Variants in ANKFN1 observed in about 807,000 individuals in gnomAD.
ANKFN1 encodes the protein ankyrin repeat and fibronectin type-III domain-containing protein 1.
Under a neutral mutation model 108.7 loss-of-function variants are expected in ANKFN1, and 74 were observed. The observed-to-expected ratio is 0.68, with a 90% CI of 0.56 to 0.83. The LOEUF (loss-of-function observed/expected upper bound fraction) is 0.83. Among genes scored for constraint, ANKFN1 ranks in the 40% least tolerant of loss-of-function variants. ANKFN1 has a pLI of 0.00. For synonymous variants in ANKFN1, 547 were observed against 516.2 expected (o/e 1.06, Z -0.81); for missense variants, 1,505 against 1,382.3 (o/e 1.09, Z -1.41).
rs1205182949 is a variant in ANKFN1 at position 56,169,800 on chromosome 17, C to A, written c.-71+16270C>A. On this transcript the variant is annotated intron_variant, in intron 1 of 20. Transcript: ENST00000682825. ...GCTGCCCTGCTACTCCTGTTCTGCC[C>A]TGTTGGCAGCCTCAGTGACAAACCC... Among the ~76,000 whole-genome samples the A allele has an allele frequency of 2.0e-5, 3 of 152,228 alleles. No individual in the cohort carries two copies. In the East Asian group the frequency reaches 5.8e-4, roughly 30 times the overall value.
At chr17:56,266,986 T>C (rs1172787305) in intron 3 of ANKFN1, among the ~76,000 whole-genome samples, 2 of 152,176 alleles carry the variant, frequency 1.3e-5, no homozygotes, top group African/African-American at 4.8e-5. Context: ...CACTCAGTTG[T>C]CATTGATCCT....
chr17:56,453,802 T>G (rs1031305228), intron 11 of ANKFN1, among the ~76,000 whole-genome samples: 21 of 152,160 alleles, frequency 1.4e-4, no homozygotes, highest in African/African-American at 2.4e-5. Context: ...ATCCTTTTTT[T>G]TTTTCATATT....
intron 4 of ANKFN1, among the ~76,000 whole-genome samples, chr17:56,054,271 T>C (rs1904827017): frequency 6.6e-6 from 1 of 152,156 alleles, no homozygotes; most frequent in Admixed American, 6.5e-5. Flanking sequence ...CACTTAAACA[T>C]GTGCATGAAT....
chr17:56,338,399 TATGTAACAAACCTGTACATTGTGCAC>T (rs1445432157), intron 4 of ANKFN1, among the ~76,000 whole-genome samples: 2 of 152,064 alleles, frequency 1.3e-5, no homozygotes, highest in East Asian at 3.9e-4. Context: ...CATGTATACC[TATGTAACAAACCTGTACATTGTGCAC>T]ATGTACCCTA....
intron 4 of ANKFN1, among the ~76,000 whole-genome samples, chr17:56,140,549 C>A (rs948821968): frequency 1.3e-5 from 2 of 152,164 alleles, no homozygotes; most frequent in East Asian, 3.9e-4. Context: ...AACTTCTTTT[C>A]CCTTCCATGA....
At chr17:56,225,370 C>T (rs977035180) in intron 2 of ANKFN1, among the ~76,000 whole-genome samples, 1 of 152,058 alleles carries the variant, frequency 6.6e-6, no homozygotes, top group Non-Finnish European at 1.5e-5. Context: ...AATTTTTTAC[C>T]AGATGCTATT....
chr17:56,282,400 T>C (rs2044107774), intron 3 of ANKFN1, among the ~76,000 whole-genome samples: 2 of 152,042 alleles, frequency 1.3e-5, no homozygotes, highest in African/African-American at 2.4e-5. Flanking sequence ...GTTACATAGG[T>C]ATATACATTT....
intron 1 of ANKFN1, among the ~76,000 whole-genome samples, chr17:56,188,581 G>GTGTGTGTGTGTGTATATA (rs1212242378): frequency 6.0e-5 from 3 of 49,652 alleles, no homozygotes; most frequent in African/African-American, 3.0e-4. Context: ...GTGTGTGTGT[G>GTGTGTGTGTGTGTATATA]TATATATATA....
At chr17:56,384,253 A>G (rs571243429) in intron 8 of ANKFN1, among the ~76,000 whole-genome samples, 1 of 152,368 alleles carries the variant, frequency 6.6e-6, no homozygotes, top group Admixed American at 6.5e-5. Flanking sequence ...ATAGATGCAG[A>G]ACAGGCCTTT....
At chr17:56,474,876 T>G (rs2050446003) in intron 15 of ANKFN1, among the ~76,000 whole-genome samples, 1 of 152,196 alleles carries the variant, frequency 6.6e-6, no homozygotes, top group African/African-American at 2.4e-5. Context: ...CATCCTGATA[T>G]TAATAATAAT....
At chr17:56,326,493 G>A in intron 4 of ANKFN1, 138 bp downstream of exon 4, 1 of 1,106,732 alleles carries the variant, frequency 9.0e-7, no homozygotes, top group South Asian at 1.7e-5. Flanking sequence ...GCTGCAGGTG[G>A]TCCATGAAGA....
At chr17:56,500,554 T>C (rs1199468127) in intron 20 of ANKFN1, among the ~76,000 whole-genome samples, 3 of 152,170 alleles carry the variant, frequency 2.0e-5, no homozygotes, top group Admixed American at 6.6e-5. Flanking sequence ...TGCTATGAAG[T>C]TATCAGTATT....
chr17:56,121,471 G>T lies in ANKFN1; in HGVS notation c.288+75146G>T, dbSNP rs1906615977. Among the ~76,000 whole-genome samples, 2 of 152,032 alleles carry T rather than the reference G, an allele frequency of 1.3e-5. 1 individual carries two copies. Among genetic ancestry groups the T allele is most frequent in the South Asian group, 4.1e-4 (2 of 4,820 alleles). On this transcript the variant is annotated intron_variant, in intron 4 of 12. Coordinates refer to the ANKFN1 transcript ENST00000635860. ...ATTTTACATCTGACAGCTTCTTAAA[G>T]ATGACATTATCTTTGGCTGTTTTGC...
rs192396148 is a variant in ANKFN1 at position 56,512,608 on chromosome 17, T to A, written c.*1339T>A. ...CCTCATCTCCTGGAGCCAAGACCCA[T>A]TCACTTCACTGACATTCTAAATGAT... On this transcript the variant is annotated 3_prime_UTR_variant, in exon 21 of 21. Coordinates refer to ENST00000682825, the MANE Select transcript of ANKFN1 (RefSeq NM_001370326.1). Among the ~76,000 whole-genome samples, 1 of 152,188 alleles carries A rather than the reference T, an allele frequency of 6.6e-6. No individual in the cohort carries two copies. The highest frequency in any genetic ancestry group is 2.4e-5 in the African/African-American group (1 of 41,452).
intron 4 of ANKFN1, among the ~76,000 whole-genome samples, chr17:56,118,962 A>T (rs1206692361): frequency 6.6e-6 from 1 of 152,180 alleles, no homozygotes; most frequent in Non-Finnish European, 1.5e-5. Context: ...TTTGGGCAAC[A>T]GGAAGACAGT....
At chr17:56,119,383 G>A (rs1201459656) in intron 4 of ANKFN1, among the ~76,000 whole-genome samples, 1 of 152,180 alleles carries the variant, frequency 6.6e-6, no homozygotes, top group Non-Finnish European at 1.5e-5. Context: ...AGGCCCAGAA[G>A]GGTGAAGATG....
chr17:56,397,799 T>C (rs1230683498), intron 8 of ANKFN1, among the ~76,000 whole-genome samples: 2 of 152,240 alleles, frequency 1.3e-5, no homozygotes, highest in Non-Finnish European at 2.9e-5. Flanking sequence ...GAGGCTATTG[T>C]GCTAGTTCTG....
At chr17:56,249,290 C>T (rs572533024) in intron 3 of ANKFN1, among the ~76,000 whole-genome samples, 4 of 151,992 alleles carry the variant, frequency 2.6e-5, no homozygotes, top group East Asian at 1.9e-4. Flanking sequence ...AAAAAATAGC[C>T]GGGCATGGTG....
chr17:56,168,345 C>T (rs1910355255), intron 1 of ANKFN1, among the ~76,000 whole-genome samples: 1 of 151,790 alleles, frequency 6.6e-6, no homozygotes, highest in South Asian at 2.1e-4. Context: ...GTAATAACCT[C>T]ATCAGGCAGA....
Sources: allele counts gnomAD v4.1 joint callset (sites outside exome capture counted in the v4.1 genomes callset), GRCh38; gene constraint gnomAD v4.1.1; transcripts MANE v1.5; gene names NCBI Gene and HGNC (gene_info 2026-07-23, HGNC 2026-07-21).